The following NRXN3 variants were observed in gnomAD, a reference collection of about 807,000 sequenced individuals.
The protein encoded by NRXN3 is neurexin III.
Under a neutral mutation model 137.6 loss-of-function variants are expected in NRXN3, and 32 were observed. The observed-to-expected ratio is 0.23, with a 90% CI of 0.18 to 0.31. The LOEUF is 0.31. Among genes scored for constraint, NRXN3 ranks in the 10% least tolerant of loss-of-function variants. NRXN3 has a pLI of 1.00. For synonymous variants in NRXN3, 798 were observed against 784.5 expected (o/e 1.02, Z -0.29); for missense variants, 1,574 against 2,062.5 (o/e 0.76, Z 4.59).
intron 17 of NRXN3, among the ~76,000 whole-genome samples, chr14:79,678,394 C>T (rs1002541375): frequency 2.6e-5 from 4 of 152,146 alleles, no homozygotes; most frequent in Non-Finnish European, 2.9e-5. Flanking sequence ...GTGGTAGAAA[C>T]TGAATAATAG....
intron 15 of NRXN3, among the ~76,000 whole-genome samples, chr14:79,392,892 C>G (rs530832265): frequency 6.7e-5 from 10 of 149,932 alleles, no homozygotes; most frequent in African/African-American, 2.5e-4. Flanking sequence ...ATTGCTTGAA[C>G]CCAAGAGGCA....
chr14:78,770,282 A>T (rs985425640), intron 8 of NRXN3, among the ~76,000 whole-genome samples: 4 of 152,208 alleles, frequency 2.6e-5, no homozygotes, highest in Non-Finnish European at 5.9e-5. Context: ...GTTCCAGAGC[A>T]CACATTGGTG....
chr14:78,773,583 A>T (rs1038240591), intron 8 of NRXN3, among the ~76,000 whole-genome samples: 1 of 151,566 alleles, frequency 6.6e-6, no homozygotes, highest in African/African-American at 2.4e-5. Flanking sequence ...TTTTTTTTTT[A>T]AGTTTAGAAG....
chr14:78,326,443 C>T (rs548824131), intron 4 of NRXN3, among the ~76,000 whole-genome samples: 1 of 152,258 alleles, frequency 6.6e-6, no homozygotes, highest in Admixed American at 6.5e-5. Context: ...TCCACAGCTC[C>T]ATCTGGAATA....
chr14:78,974,693 G>A (rs31431), intron 14 of NRXN3, among the ~76,000 whole-genome samples: 2 of 150,958 alleles, frequency 1.3e-5, no homozygotes, highest in Admixed American at 6.6e-5. Flanking sequence ...TTTTTTTTTC[G>A]ATTATTTGGG....
chr14:79,805,456 A>G (rs937750945), intron 20 of NRXN3, among the ~76,000 whole-genome samples: 1 of 152,112 alleles, frequency 6.6e-6, no homozygotes, highest in African/African-American at 2.4e-5. Context: ...ATGACTTAAC[A>G]TTGGGCAAGC....
chr14:79,771,392 C>A (rs1221538489), intron 19 of NRXN3, among the ~76,000 whole-genome samples: 1 of 152,108 alleles, frequency 6.6e-6, no homozygotes. Flanking sequence ...TACTGGCAAA[C>A]CGACTCCAGC....
chr14:78,987,898 G>C, intron 14 of NRXN3, 124 bp from the exon 15 acceptor site: 1 of 1,052,812 alleles, frequency 9.5e-7, no homozygotes, highest in Non-Finnish European at 1.3e-6. Flanking sequence ...CAATTTTGGT[G>C]GTGTGTCTTC....
intron 4 of NRXN3, among the ~76,000 whole-genome samples, chr14:78,415,038 C>T (rs762730277): frequency 6.6e-6 from 1 of 152,082 alleles, no homozygotes; most frequent in Admixed American, 6.5e-5. Context: ...CCACTTACTT[C>T]GGAACCATAG....
intron 19 of NRXN3, among the ~76,000 whole-genome samples, chr14:79,702,387 C>G (rs545517413): frequency 6.6e-6 from 1 of 152,088 alleles, no homozygotes; most frequent in South Asian, 2.1e-4. Context: ...ATGAATGGCT[C>G]TTTGTGCTGG....
At chr14:79,820,293 C>T (rs2099267566) in intron 20 of NRXN3, among the ~76,000 whole-genome samples, 1 of 152,088 alleles carries the variant, frequency 6.6e-6, no homozygotes, top group South Asian at 2.1e-4. Context: ...CGAGCAAAAG[C>T]ATGTATTTAT....
chr14:79,822,514 G>T (rs1361021642), intron 20 of NRXN3, among the ~76,000 whole-genome samples: 1 of 152,084 alleles, frequency 6.6e-6, no homozygotes, highest in Non-Finnish European at 1.5e-5. Flanking sequence ...GTTTTTCTTT[G>T]AAGTTTTTTT....
At chr14:79,494,670 T>G (rs747739028) in intron 16 of NRXN3, among the ~76,000 whole-genome samples, 4 of 152,204 alleles carry the variant, frequency 2.6e-5, no homozygotes, top group Non-Finnish European at 4.4e-5. Context: ...TTTTAAACTT[T>G]TTATCGTGAA....
chr14:79,347,472 A>T lies in NRXN3; in HGVS notation c.3263-119749A>T, dbSNP rs1209490071. ...AGTCTCGCTCTGTCACCCAGGCTGG[A>T]GTGCAGTGGCGTGATCTCGGCTCAC... is the stretch of plus-strand genomic sequence containing the variant. On this transcript the variant is annotated intron_variant, in intron 15 of 20. Transcript: ENST00000335750. 3.3e-5 allele frequency among the ~76,000 whole-genome samples: 5 copies of T among 150,940 alleles called. No individual in the cohort carries two copies. In the East Asian group the frequency reaches 9.7e-4, roughly 29 times the overall value.
At chr14:79,140,723 GA>G (rs1160637583) in intron 15 of NRXN3, among the ~76,000 whole-genome samples, 2 of 151,980 alleles carry the variant, frequency 1.3e-5, no homozygotes, top group Non-Finnish European at 2.9e-5. Flanking sequence ...AAACATATAG[GA>G]ATACAAGAAA....
At chr14:78,602,061 G>A (rs1221011192) in intron 4 of NRXN3, among the ~76,000 whole-genome samples, 1 of 152,148 alleles carries the variant, frequency 6.6e-6, no homozygotes, top group Non-Finnish European at 1.5e-5. Context: ...TGTTCTGCAT[G>A]CATCACTGTG....
intron 15 of NRXN3, among the ~76,000 whole-genome samples, chr14:79,237,546 G>T (rs1373901402): frequency 6.6e-6 from 1 of 152,052 alleles, no homozygotes; most frequent in Non-Finnish European, 1.5e-5. Flanking sequence ...TAAGAGGAAT[G>T]CTTTGGCTCC....
intron 10 of NRXN3, among the ~76,000 whole-genome samples, chr14:78,896,229 T>G (rs1419769399): frequency 2.0e-5 from 3 of 151,934 alleles, no homozygotes; most frequent in Non-Finnish European, 2.9e-5. Flanking sequence ...TAAATAGAGT[T>G]GATTGCATGG....
chr14:79,685,389 A>G (rs2098690603), intron 17 of NRXN3, among the ~76,000 whole-genome samples: 1 of 152,174 alleles, frequency 6.6e-6, no homozygotes, highest in African/African-American at 2.4e-5. Flanking sequence ...GAAATCAACT[A>G]CTGTAGCTTC....
Sources: allele counts gnomAD v4.1 joint callset (sites outside exome capture counted in the v4.1 genomes callset), GRCh38; gene constraint gnomAD v4.1.1; transcripts MANE v1.5; gene names NCBI Gene and HGNC (gene_info 2026-07-23, HGNC 2026-07-21).